Variants in SLC12A7 observed in about 807,000 individuals in gnomAD.
The protein encoded by SLC12A7 is K-Cl cotransporter 4.
Under a neutral mutation model 120.6 loss-of-function variants are expected in SLC12A7, and 100 were observed. That is an observed-to-expected ratio of 0.83 (90% CI 0.71 to 0.98). The LOEUF (loss-of-function observed/expected upper bound fraction) is 0.98. Ranked by LOEUF, SLC12A7 falls within the 50% of genes least tolerant of loss-of-function variation. The pLI, the probability that SLC12A7 is intolerant of heterozygous loss-of-function variation, is 0.00. For missense variants in SLC12A7, 1,373 were observed against 1,548.1 expected (o/e 0.89, Z 1.90); for synonymous variants, 760 against 678.0 (o/e 1.12, Z -1.88).
chr5:1,057,260 CGCCCGGCCACAGGGCTGAACTCAGG>C (rs2150779656), intron 22 of SLC12A7, 186 bp downstream of exon 22: 1 of 539,560 alleles, frequency 1.9e-6, no homozygotes, highest in East Asian at 3.2e-5. Flanking sequence ...GATCCCTCAG[CGCCCGGCCACAGGGCTGAACTCAGG>C]GCCCGGCCTT....
At chr5:1,054,170 C>A (rs1056358041) in intron 22 of SLC12A7, among the ~76,000 whole-genome samples, 3 of 152,214 alleles carry the variant, frequency 2.0e-5, no homozygotes. Context: ...CCCTGTCTGG[C>A]CAAGGGCTAA....
chr5:1,112,200 C>T (rs563425039), upstream of SLC12A7, among the ~76,000 whole-genome samples: 1 of 151,988 alleles, frequency 6.6e-6, no homozygotes, highest in Non-Finnish European at 1.5e-5. Flanking sequence ...CTGCGTCTGT[C>T]TGACCGCCGC....
intron 2 of SLC12A7, 126 bp from the exon 3 acceptor site, chr5:1,093,781 G>T: frequency 1.4e-6 from 2 of 1,388,636 alleles, no homozygotes; most frequent in Non-Finnish European, 9.8e-7. Context: ...TCTGAAGCAA[G>T]CCAGAGAGGC....
At chr5:1,085,157 C>T (rs546730852) in intron 7 of SLC12A7, 75 bp downstream of exon 7, 16 of 1,562,244 alleles carry the variant, frequency 1.0e-5, no homozygotes, top group South Asian at 4.8e-5. Flanking sequence ...GGATGATGGA[C>T]GAGAGGCGGG....
the SLC12A7 span, among the ~76,000 whole-genome samples, chr5:1,133,868 C>T: frequency 1.3e-5 from 2 of 152,112 alleles, no homozygotes; most frequent in African/African-American, 2.4e-5. Flanking sequence ...GCAGCAACAC[C>T]AGAGAGGGTT....
At chr5:1,136,252 C>T in the SLC12A7 span, among the ~76,000 whole-genome samples, 13 of 150,830 alleles carry the variant, frequency 8.6e-5, no homozygotes, top group African/African-American at 3.0e-4. Context: ...AACCCAGCTC[C>T]GAGAAATCAC....
chr5:1,085,601 C>T (rs1198303484), intron 6 of SLC12A7, 128 bp from the exon 7 acceptor site: 18 of 1,306,986 alleles, frequency 1.4e-5, no homozygotes, highest in African/African-American at 5.2e-5. Context: ...GGGACGCATC[C>T]GTGCTGGACG....
rs751937436 is a variant in SLC12A7 at position 1,060,427 on chromosome 5, T to TG, written c.2763dup (p.Thr922HisfsTer68). 5 of 1,613,524 alleles carry TG rather than the reference T, an allele frequency of 3.1e-6. No individual in the cohort carries two copies. The African/African-American group carries it at 6.7e-5, about 22-fold the overall frequency. On this transcript the variant is annotated frameshift_variant, in exon 21 of 24. Transcript: ENST00000264930. LOFTEE classifies it high-confidence loss of function. ...TCCATCATTAGTGTCCTCTCGTAGGTGAAAGCAGATATGTCGTTTTCAACC... is the reference window on the plus strand; with the variant it reads ...TCCATCATTAGTGTCCTCTCGTAGGTGGAAAGCAGATATGTCGTTTTCAACC...
rs181659901 is a variant in SLC12A7 at position 1,060,063 on chromosome 5, G to A, written c.2847+281C>T. Among the ~76,000 whole-genome samples the A allele has an allele frequency of 1.2e-3, 181 of 152,306 alleles. 1 individual carries two copies. The highest frequency in any genetic ancestry group is 6.7e-3 in the Admixed American group (102 of 15,306). On this transcript the variant is annotated intron_variant, in intron 21 of 23. Transcript: ENST00000264930. ...GCTAAGTTCAAAGGTCTCGGCCCTC[G>A]TCCCTTCCTGCACATGAGCATGCAT...
intron 1 of SLC12A7, among the ~76,000 whole-genome samples, chr5:1,108,050 G>A (rs982304142): frequency 6.2e-5 from 5 of 81,110 alleles, no homozygotes; most frequent in Non-Finnish European, 1.1e-4. Context: ...ACGTGAGCAT[G>A]CCCACAGCAC....
chr5:1,130,626 C>CACACGCGTGTCCCCTCACCTCCTT, the SLC12A7 span, among the ~76,000 whole-genome samples: 9 of 151,820 alleles, frequency 5.9e-5, no homozygotes, highest in Non-Finnish European at 5.9e-5. Context: ...AGGGTGGGGG[C>CACACGCGTGTCCCCTCACCTCCTT]AGCAGGGAGG....
Position 1,078,736 on chromosome 5 carries a change from A to G in SLC12A7, c.1419T>C (p.Phe473=), listed in dbSNP as rs1225724315. 1 of 1,611,956 alleles carries G rather than the reference A, an allele frequency of 6.2e-7. No homozygotes were observed. Among genetic ancestry groups the G allele is most frequent in the East Asian group, 2.2e-5 (1 of 44,834 alleles). Residue 473 remains phenylalanine, a synonymous_variant, in exon 11 of 24, where the codon TTT becomes TTC. Transcript: ENST00000264930. The part of the protein sequence containing the change: ...SFIYLSCIVL[F]GACIEGVVLR... The stretch of plus-strand genomic sequence containing the variant: ...AGACCACGCCTTCAATGCAGGCCCC[A>G]AACAGCACAATGCAGGAGAGATCCA...
chr5:1,065,962 C>T (rs916344045), intron 17 of SLC12A7, among the ~76,000 whole-genome samples: 6 of 151,986 alleles, frequency 3.9e-5, no homozygotes, highest in African/African-American at 9.7e-5. Context: ...GGTCTCCTCC[C>T]GGGGTTGGAG....
At chr5:1,122,259 CG>C in the SLC12A7 span, among the ~76,000 whole-genome samples, 1 of 152,068 alleles carries the variant, frequency 6.6e-6, no homozygotes, top group East Asian at 1.9e-4. Flanking sequence ...CCAGAACCCC[CG>C]GCAGGGCTGT....
chr5:1,087,178 C>T (rs1424858951), intron 5 of SLC12A7, 145 bp from the exon 6 acceptor site: 14 of 1,104,140 alleles, frequency 1.3e-5, no homozygotes, highest in Non-Finnish European at 1.6e-5. Context: ...CAAAGCAGCA[C>T]ATGGAGACGC....
intron 8 of SLC12A7, among the ~76,000 whole-genome samples, chr5:1,083,330 G>A (rs188020727): frequency 4.6e-5 from 7 of 152,200 alleles, no homozygotes; most frequent in Admixed American, 2.6e-4. Context: ...AGCAGGTCTC[G>A]TGTACCCTGC....
At position 1,093,532 on chromosome 5, in the gene SLC12A7, C is replaced by A. The variant is rs1740763825; in HGVS notation, c.342+1G>T. ...GGCGGGCACGGGCAGGGTGGCAGTA[C>A]CTTGGCCTCCCGCCGCCGGCTCTCC... is the stretch of plus-strand genomic sequence containing the variant. On this transcript the variant is annotated splice_donor_variant, in intron 3 of 23. Coordinates refer to ENST00000264930, the MANE Select transcript of SLC12A7 (RefSeq NM_006598.3). LOFTEE classifies it high-confidence loss of function. 6 of 1,561,266 alleles carry A rather than the reference C, an allele frequency of 3.8e-6. No homozygotes were observed. The highest frequency in any genetic ancestry group is 1.4e-5 in the African/African-American group (1 of 71,874).
chr5:1,052,605 C>A (rs1459830484), intron 23 of SLC12A7, among the ~76,000 whole-genome samples, 154 bp from the exon 24 acceptor site: 1 of 140,142 alleles, frequency 7.1e-6, no homozygotes, highest in African/African-American at 2.4e-5. Context: ...ATTAGAGAGA[C>A]CCCCCAGGCG....
At chr5:1,138,420 C>T in the SLC12A7 span, among the ~76,000 whole-genome samples, 1 of 152,226 alleles carries the variant, frequency 6.6e-6, no homozygotes, top group Admixed American at 6.5e-5. Flanking sequence ...TTTAGCTACA[C>T]ACAGAGCTGC....
Sources: gnomAD v4.1 joint callset for allele counts (sites outside exome capture counted in the v4.1 genomes callset) on GRCh38, gnomAD v4.1.1 for gene constraint, MANE v1.5 for transcripts, NCBI Gene and HGNC (gene_info 2026-07-23, HGNC 2026-07-21) for gene names.